Variants in TJP2 observed in about 807,000 individuals in gnomAD.
TJP2 encodes tight junction protein 2.
A neutral mutation model predicts 133.1 loss-of-function variants in TJP2; 91 were observed. The observed-to-expected ratio is 0.68, with a 90% CI of 0.58 to 0.81. The LOEUF is 0.81. Ranked by LOEUF, TJP2 falls within the 40% of genes least tolerant of loss-of-function variation. The pLI is 0.00. For synonymous variants in TJP2, 592 were observed against 583.4 expected, an observed-to-expected ratio of 1.01 and a Z score of -0.21; for missense variants, 1,541 against 1,565.6, an observed-to-expected ratio of 0.98 and a Z score of 0.26.
upstream of TJP2, among the ~76,000 whole-genome samples, chr9:69,171,167 C>T (rs1300154280): frequency 6.6e-6 from 1 of 152,212 alleles, no homozygotes; most frequent in African/African-American, 2.4e-5. Context: ...TTTAAGTAAG[C>T]CAGAAACCTG....
intron 2 of TJP2, among the ~76,000 whole-genome samples, chr9:69,155,064 A>AAAAATT (rs1823674887): frequency 6.6e-6 from 1 of 151,748 alleles, no homozygotes; most frequent in Non-Finnish European, 1.5e-5. Flanking sequence ...CTAAAAATAC[A>AAAAATT]AAAATTAGCC....
chr9:69,243,501 C>A (rs767216021), intron 17 of TJP2, among the ~76,000 whole-genome samples: 2 of 152,222 alleles, frequency 1.3e-5, no homozygotes, highest in Non-Finnish European at 2.9e-5. Context: ...TCCCCTACTA[C>A]CAATTTTTAA....
At chr9:69,121,349 C>G, upstream of TJP2, 2 of 985,530 alleles carry the variant, frequency 2.0e-6, no homozygotes, top group South Asian at 4.7e-5. Flanking sequence ...CAGAACCCTC[C>G]GGTCTCAAGG....
rs191330879 is a variant in TJP2 at position 69,187,160 on chromosome 9, A to G, written c.60+12728A>G. Among the ~76,000 whole-genome samples the G allele has an allele frequency of 5.3e-5, 8 of 152,336 alleles. No homozygotes were observed. In the East Asian group the frequency reaches 5.8e-4, roughly 11 times the overall value. ...CGGCCTGAAAGAATCTCTCTCGCCT[A>G]TTAATAGAACAGAAGGAACATACAC... On this transcript the variant is annotated intron_variant, in intron 1 of 22. Transcript: ENST00000377245.
chr9:69,190,549 C>A (rs1826137914), intron 1 of TJP2, among the ~76,000 whole-genome samples: 1 of 152,072 alleles, frequency 6.6e-6, no homozygotes, highest in Admixed American at 6.5e-5. Flanking sequence ...AATAAATAAC[C>A]CAATAAAAAC....
At chr9:69,146,063 T>G (rs1219062463) in intron 1 of TJP2, among the ~76,000 whole-genome samples, 4 of 152,232 alleles carry the variant, frequency 2.6e-5, no homozygotes, top group Admixed American at 6.5e-5. Flanking sequence ...AGCCCATTTT[T>G]ACAATCTAGA....
rs780060340 is a variant in TJP2, at chr9:69,236,049, G to C, written c.1802G>C (p.Cys601Ser). 1.3e-5 allele frequency: 21 copies of C among 1,614,176 alleles called. 1 individual carries two copies. Among genetic ancestry groups the C allele is most frequent in the East Asian group, 1.1e-4 (5 of 44,880 alleles). The change falls in exon 13 of 23, where the codon TGT becomes TCT. Residue 601 changes from cysteine (C) to serine (S), a missense_variant. By Grantham distance (112) the Cys-to-Ser change is moderately radical (BLOSUM62 -1). Coordinates refer to ENST00000377245, the MANE Select transcript of TJP2 (RefSeq NM_004817.4). Reference protein sequence around the residue: ...RADVYRDILACGRGDSFFIRS... With the variant: ...RADVYRDILASGRGDSFFIRS... ...TCAGTGTATAGAGACATCCTGGCTTGTGGCAGAGGGGATTCGTTTTTTATA... is the reference window on the plus strand; with the variant it reads ...TCAGTGTATAGAGACATCCTGGCTTCTGGCAGAGGGGATTCGTTTTTTATA...
rs752922870 is a variant in TJP2 at position 69,251,205 on chromosome 9, T to G, written c.3162T>G (p.Thr1054=). The change falls in exon 21 of 23, where the codon ACT becomes ACG. Residue 1054 remains threonine, a synonymous_variant. Transcript: ENST00000377245. ...TFGRSILKPS[T]PIPPQEGEEV... is the part of the protein sequence containing the mutation. ...GGCGGTCTATACTGAAGCCCTCCAC[T>G]CCCATCCCTCCTCAAGAGGGTGAGG... 22 of 1,613,936 alleles carry G rather than the reference T, an allele frequency of 1.4e-5. No individual in the cohort carries two copies. The highest frequency in any genetic ancestry group is 1.1e-5 in the Non-Finnish European group (13 of 1,180,008).
chr9:69,249,034 C>T (rs1263862588), intron 19 of TJP2: 3 of 1,010,616 alleles, frequency 3.0e-6, no homozygotes, highest in Non-Finnish European at 3.5e-6. Context: ...TACACCATTA[C>T]CACAGCAACA....
At chr9:69,206,003 A>T (rs1200496584) in intron 1 of TJP2, among the ~76,000 whole-genome samples, 17 of 152,214 alleles carry the variant, frequency 1.1e-4, no homozygotes, top group Admixed American at 1.1e-3. Context: ...AAAAAACACA[A>T]TAAGTAACTA....
In TJP2 at chr9:69,254,393, TC is replaced by T. The variant is rs933435738; in HGVS notation, c.*22del. ...ATTATAGATGTCTGAGCACGGACTC[TC>T]CCAGGCCTGCCTGCATGGCATCAGA... is the stretch of plus-strand genomic sequence containing the variant. On this transcript the variant is annotated 3_prime_UTR_variant, in exon 23 of 23. Transcript: ENST00000377245. 8 of 1,613,506 alleles carry T rather than the reference TC, an allele frequency of 5.0e-6. No homozygotes were observed. Among genetic ancestry groups the T allele is most frequent in the Non-Finnish European group, 4.2e-6 (5 of 1,180,030 alleles).
At chr9:69,240,807 GA>G (rs533997251) in intron 17 of TJP2, among the ~76,000 whole-genome samples, 6,233 of 139,740 alleles carry the variant, frequency 0.045, 142 homozygotes, top group Middle Eastern at 0.077. Context: ...TCTCTTCAAA[GA>G]AAAAAAAAAA....
At chr9:69,172,757 G>C (rs1371769462), upstream of TJP2, among the ~76,000 whole-genome samples, 1 of 151,810 alleles carries the variant, frequency 6.6e-6, no homozygotes, top group Non-Finnish European at 1.5e-5. Flanking sequence ...TTAAAAAATA[G>C]AGATGGGGTC....
At chr9:69,158,014 A>G (rs966402981) in intron 2 of TJP2, among the ~76,000 whole-genome samples, 2 of 152,068 alleles carry the variant, frequency 1.3e-5, no homozygotes, top group African/African-American at 4.8e-5. Context: ...AAGCTGACCC[A>G]GAGGCAGGCA....
chr9:69,212,613 A>G lies in TJP2; in HGVS notation c.114+12A>G, dbSNP rs1015468403. 1.9e-6 allele frequency: 3 copies of G among 1,596,158 alleles called. No homozygotes were observed. Among genetic ancestry groups the G allele is most frequent in the Non-Finnish European group, 2.6e-6 (3 of 1,163,798 alleles). The stretch of plus-strand genomic sequence containing the variant: ...TGACCCTACAAAAGGTGAGTTCTGC[A>G]CATTTCATATATTCTACAGTCATGT... On this transcript the variant is annotated intron_variant, in intron 2 of 22. Transcript: ENST00000377245.
At chr9:69,159,522 G>A (rs1405608210) in intron 2 of TJP2, among the ~76,000 whole-genome samples, 3 of 152,084 alleles carry the variant, frequency 2.0e-5, no homozygotes, top group Admixed American at 6.6e-5. Context: ...CTTTGAAAGA[G>A]GCTTTGTAAA....
intron 2 of TJP2, among the ~76,000 whole-genome samples, chr9:69,156,607 C>T (rs1400804079): frequency 1.4e-5 from 2 of 146,888 alleles, no homozygotes; most frequent in Non-Finnish European, 3.0e-5. Context: ...TCTCCGCTCA[C>T]TGCAAGCTCC....
upstream of TJP2, among the ~76,000 whole-genome samples, chr9:69,173,606 C>T (rs12343999): frequency 9.4e-3 from 1,435 of 152,266 alleles, 29 homozygotes; most frequent in African/African-American, 0.032. Flanking sequence ...TTATAACCCT[C>T]GGAATTCGGG....
upstream of TJP2, chr9:69,121,434 C>T (rs890979546): frequency 1.3e-4 from 99 of 778,482 alleles, no homozygotes; most frequent in Non-Finnish European, 1.4e-4. Flanking sequence ...CCCAACTCCC[C>T]CTGCCCCCAC....
Sources: allele counts gnomAD v4.1 joint callset (sites outside exome capture counted in the v4.1 genomes callset), GRCh38; gene constraint gnomAD v4.1.1; transcripts MANE v1.5; gene names NCBI Gene and HGNC (gene_info 2026-07-23, HGNC 2026-07-21).